The following GPRASP3 variants were observed in gnomAD, a reference collection of about 807,000 sequenced individuals.
The protein encoded by GPRASP3 is G protein-coupled receptor associated sorting protein family member 3, also known as G protein-coupled receptor associated sorting protein 3.
chrX:102,750,255 G>A, the GPRASP3 span: 62 of 1,198,907 alleles, frequency 5.2e-5, no homozygotes, highest in East Asian at 1.0e-3. Context: ...TGAACTCACC[G>A]GGACAGCAAT....
chrX:102,732,287 G>A, the GPRASP3 span, among the ~76,000 whole-genome samples: 7 of 112,261 alleles, frequency 6.2e-5, no homozygotes, highest in Non-Finnish European at 1.1e-4. Flanking sequence ...GACAGGGCAG[G>A]AACGTCATTC....
chrX:102,723,903 A>G, the GPRASP3 span, among the ~76,000 whole-genome samples: 2 of 111,668 alleles, frequency 1.8e-5, no homozygotes, highest in Non-Finnish European at 3.8e-5. Flanking sequence ...GGATAAGTGG[A>G]GCTTCTTGGT....
chrX:102,727,796 G>A, the GPRASP3 span, among the ~76,000 whole-genome samples: 2 of 112,709 alleles, frequency 1.8e-5, no homozygotes, highest in East Asian at 2.8e-4. Context: ...CACATGTTGT[G>A]CAGGATATCA....
At chrX:102,749,006 C>G in the GPRASP3 span, 68 of 1,203,089 alleles carry the variant, frequency 5.7e-5, no homozygotes, top group Admixed American at 1.0e-3. Flanking sequence ...ATGGCTGGGA[C>G]TAAGAATAAG....
At chrX:102,731,543 T>C in the GPRASP3 span, among the ~76,000 whole-genome samples, 168 of 109,903 alleles carry the variant, frequency 1.5e-3, no homozygotes, top group African/African-American at 5.1e-3. Flanking sequence ...GGCAGGATAA[T>C]CACTTGAACC....
the GPRASP3 span, among the ~76,000 whole-genome samples, chrX:102,737,265 T>G: frequency 4.4e-5 from 5 of 112,500 alleles, no homozygotes; most frequent in South Asian, 1.8e-3. Context: ...ATTACTTGAC[T>G]TTAGCTTAGC....
At chrX:102,733,866 C>T in the GPRASP3 span, among the ~76,000 whole-genome samples, 1 of 109,962 alleles carries the variant, frequency 9.1e-6, no homozygotes, top group Non-Finnish European at 1.9e-5. Context: ...TAGGTGCAGG[C>T]GGGCTGAGTC....
chrX:102,740,357 C>T, the GPRASP3 span, among the ~76,000 whole-genome samples: 12 of 111,932 alleles, frequency 1.1e-4, no homozygotes, highest in African/African-American at 3.6e-4. Context: ...ACAAGAGTCT[C>T]TGCCTGGTAA....
the GPRASP3 span, among the ~76,000 whole-genome samples, chrX:102,735,197 T>C: frequency 8.9e-6 from 1 of 111,817 alleles, no homozygotes; most frequent in African/African-American, 3.2e-5. Flanking sequence ...CTTAATAAAA[T>C]GTTATAGACA....
At chrX:102,731,261 C>T in the GPRASP3 span, among the ~76,000 whole-genome samples, 6 of 112,439 alleles carry the variant, frequency 5.3e-5, no homozygotes, top group African/African-American at 1.9e-4. Flanking sequence ...AGAAAGAATT[C>T]GACCAAGGGG....
chrX:102,729,158 C>G, the GPRASP3 span, among the ~76,000 whole-genome samples: 9 of 112,142 alleles, frequency 8.0e-5, no homozygotes, highest in East Asian at 5.6e-4. Flanking sequence ...AGTGAAGGGC[C>G]TCATGGCCCC....
At chrX:102,744,091 A>T in the GPRASP3 span, among the ~76,000 whole-genome samples, 1 of 111,492 alleles carries the variant, frequency 9.0e-6, no homozygotes, top group Non-Finnish European at 1.9e-5. Flanking sequence ...TATCATTTAA[A>T]CTGTAAAGTA....
the GPRASP3 span, among the ~76,000 whole-genome samples, chrX:102,744,481 T>C: frequency 9.0e-6 from 1 of 111,629 alleles, no homozygotes; most frequent in African/African-American, 3.3e-5. Flanking sequence ...CATCAAAAAG[T>C]AGTGTGACAT....
At chrX:102,725,005 T>C in the GPRASP3 span, among the ~76,000 whole-genome samples, 1 of 111,385 alleles carries the variant, frequency 9.0e-6, no homozygotes, top group African/African-American at 3.3e-5. Flanking sequence ...GTCTGGACTT[T>C]TAGCAGCCAC....
chrX:102,750,134 A>C, the GPRASP3 span: 2 of 1,210,682 alleles, frequency 1.7e-6, no homozygotes, highest in South Asian at 3.5e-5. Context: ...CCTTCCCCTG[A>C]AATGAGAAAA....
chrX:102,740,880 A>AGAG, the GPRASP3 span, among the ~76,000 whole-genome samples: 1 of 110,950 alleles, frequency 9.0e-6, no homozygotes, highest in African/African-American at 3.3e-5. Context: ...AAAGAAAAGA[A>AGAG]AAGAAAAAGA....
At chrX:102,747,831 A>C in the GPRASP3 span, 1 of 112,243 alleles carries the variant, frequency 8.9e-6, no homozygotes, top group Admixed American at 9.4e-5. Flanking sequence ...GTTTCTTTCT[A>C]GGTTCCTGTA....
At chrX:102,743,627 A>G in the GPRASP3 span, among the ~76,000 whole-genome samples, 1 of 110,164 alleles carries the variant, frequency 9.1e-6, no homozygotes, top group Non-Finnish European at 1.9e-5. Context: ...GCCACGCCAA[A>G]TGGGAGATGG....
chrX:102,737,567 A>G, the GPRASP3 span, among the ~76,000 whole-genome samples: 1 of 111,679 alleles, frequency 9.0e-6, no homozygotes, highest in African/African-American at 3.3e-5. Flanking sequence ...AAGAATTCCT[A>G]CCAGTCTACC....
Sources: allele counts gnomAD v4.1 joint callset (sites outside exome capture counted in the v4.1 genomes callset), GRCh38; gene constraint gnomAD v4.1.1; transcripts MANE v1.5; gene names NCBI Gene and HGNC (gene_info 2026-07-23, HGNC 2026-07-21).